The following SBF2 variants were observed in gnomAD, a reference collection of about 807,000 sequenced individuals.
The protein encoded by SBF2 is SET binding factor 2.
A neutral mutation model predicts 225.2 loss-of-function variants in SBF2; 112 were observed. The ratio of observed to expected loss-of-function variants is 0.50; its 90% CI spans 0.43 to 0.58. The LOEUF (loss-of-function observed/expected upper bound fraction) is 0.58, where lower values mean the gene tolerates loss of function less well. Among genes scored for constraint, SBF2 ranks in the 20% least tolerant of loss-of-function variants. The pLI is 0.00. For missense variants in SBF2, 1,996 were observed against 2,206.2 expected (o/e 0.90, Z 1.91); for synonymous variants, 763 against 773.3 (o/e 0.99, Z 0.22).
intron 17 of SBF2, among the ~76,000 whole-genome samples, chr11:9,869,697 T>C (rs1321593921): frequency 6.6e-6 from 1 of 152,162 alleles, no homozygotes; most frequent in Non-Finnish European, 1.5e-5. Flanking sequence ...TGAAGGAACA[T>C]ACCTCATAAT....
At chr11:9,948,940 A>T (rs954957719) in intron 16 of SBF2, among the ~76,000 whole-genome samples, 2 of 152,254 alleles carry the variant, frequency 1.3e-5, no homozygotes, top group Admixed American at 1.3e-4. Context: ...TGACTTCACT[A>T]GGCCACCTAT....
intron 16 of SBF2, among the ~76,000 whole-genome samples, chr11:9,944,204 G>A (rs1031865097): frequency 2.6e-5 from 4 of 152,102 alleles, no homozygotes; most frequent in Non-Finnish European, 5.9e-5. Flanking sequence ...TAAAACTGTA[G>A]GAAAAAGCAA....
chr11:10,218,385 A>G (rs971969150), intron 1 of SBF2, among the ~76,000 whole-genome samples: 1 of 132,768 alleles, frequency 7.5e-6, no homozygotes, highest in African/African-American at 2.9e-5. Flanking sequence ...CGTGGGAATT[A>G]TGGGAGCTAA....
intron 13 of SBF2, among the ~76,000 whole-genome samples, chr11:9,969,922 G>A (rs1032128626): frequency 9.9e-5 from 15 of 152,264 alleles, no homozygotes; most frequent in African/African-American, 3.6e-4. Flanking sequence ...ACACAATGCT[G>A]AACACACATA....
intron 14 of SBF2, 101 bp downstream of exon 14, chr11:9,968,240 T>G (rs1047944597): frequency 9.9e-7 from 1 of 1,005,442 alleles, no homozygotes; most frequent in African/African-American, 1.6e-5. Flanking sequence ...CTACAGGAGT[T>G]TGTTCACTTT....
chr11:9,948,010 A>G (rs1464671812), intron 16 of SBF2, among the ~76,000 whole-genome samples: 1 of 152,194 alleles, frequency 6.6e-6, no homozygotes, highest in East Asian at 1.9e-4. Context: ...ATTATTTACA[A>G]TAAGCAAAAG....
At chr11:10,064,256 C>G (rs1458059970) in intron 2 of SBF2, among the ~76,000 whole-genome samples, 2 of 152,004 alleles carry the variant, frequency 1.3e-5, no homozygotes, top group African/African-American at 4.8e-5. Context: ...AAAAGTGATA[C>G]AGTATCACTT....
chr11:10,039,855 G>A (rs971662699), intron 3 of SBF2, among the ~76,000 whole-genome samples: 24 of 151,818 alleles, frequency 1.6e-4, no homozygotes, highest in African/African-American at 5.6e-4. Flanking sequence ...ATCTGTCTGA[G>A]TGGTGCACGC....
At chr11:10,229,821 T>C (rs1958748291) in intron 1 of SBF2, among the ~76,000 whole-genome samples, 1 of 152,234 alleles carries the variant, frequency 6.6e-6, no homozygotes, top group African/African-American at 2.4e-5. Flanking sequence ...TGTAGATGTC[T>C]ATTAGGTCCG....
intron 2 of SBF2, among the ~76,000 whole-genome samples, chr11:10,090,959 C>T (rs943965985): frequency 6.6e-6 from 1 of 151,972 alleles, no homozygotes; most frequent in Non-Finnish European, 1.5e-5. Flanking sequence ...TATAATATTG[C>T]AATTCTCACA....
intron 1 of SBF2, among the ~76,000 whole-genome samples, chr11:10,214,489 G>A (rs569230811): frequency 1.3e-5 from 2 of 152,274 alleles, no homozygotes; most frequent in African/African-American, 4.8e-5. Flanking sequence ...CAAGCGTGGT[G>A]GCACGCGCCT....
chr11:10,043,349 G>T (rs1949728563), intron 2 of SBF2, among the ~76,000 whole-genome samples: 1 of 152,068 alleles, frequency 6.6e-6, no homozygotes, highest in African/African-American at 2.4e-5. Flanking sequence ...AGGGAAAATA[G>T]AATTATTTTT....
intron 17 of SBF2, among the ~76,000 whole-genome samples, chr11:9,868,887 C>T (rs1858473933): frequency 1.3e-5 from 2 of 152,216 alleles, no homozygotes; most frequent in South Asian, 4.1e-4. Context: ...AGGGGTAGCA[C>T]TCACCGGGCA....
chr11:9,790,932 A>G, intron 33 of SBF2: 1 of 382,046 alleles, frequency 2.6e-6, no homozygotes, highest in South Asian at 2.6e-5. Flanking sequence ...CAGTCTATCA[A>G]TCATGACTCT....
At chr11:9,949,441 G>C (rs1255200489) in intron 16 of SBF2, among the ~76,000 whole-genome samples, 1 of 151,986 alleles carries the variant, frequency 6.6e-6, no homozygotes, top group Admixed American at 6.6e-5. Flanking sequence ...GGTTGCTGTA[G>C]GTTTTACCAA....
intron 20 of SBF2, 69 bp from the exon 21 acceptor site, chr11:9,852,818 T>C: frequency 8.3e-7 from 1 of 1,205,894 alleles, no homozygotes; most frequent in Non-Finnish European, 1.2e-6. Context: ...TTCTGGATAT[T>C]TTAGAATTAA....
chr11:10,069,350 C>A (rs752781265), intron 2 of SBF2, among the ~76,000 whole-genome samples: 1 of 144,222 alleles, frequency 6.9e-6, no homozygotes, highest in Non-Finnish European at 1.5e-5. Context: ...GTGATGTTCC[C>A]CACCCTATTC....
chr11:9,859,877 T>C (rs1009637561), intron 17 of SBF2, among the ~76,000 whole-genome samples: 16 of 152,214 alleles, frequency 1.1e-4, no homozygotes, highest in African/African-American at 3.6e-4. Context: ...TGTAAGACCC[T>C]TTCAAGATAG....
In SBF2 at chr11:9,856,448, A is replaced by G; in HGVS notation, c.2363+10T>C. On this transcript the variant is annotated intron_variant, in intron 19 of 39. Coordinates refer to ENST00000256190, the MANE Select transcript of SBF2 (RefSeq NM_030962.4). ...GTAGGAGGAGGGTCTGTGTGTTCAC[A>G]TTTTGGTACCTGTTTGTGACAATGC... 1 of 1,613,348 alleles carries G rather than the reference A, an allele frequency of 6.2e-7. No homozygotes were observed. The highest frequency in any genetic ancestry group is 2.2e-5 in the East Asian group (1 of 44,898).
Sources: gnomAD v4.1 joint callset for allele counts (sites outside exome capture counted in the v4.1 genomes callset) on GRCh38, gnomAD v4.1.1 for gene constraint, MANE v1.5 for transcripts, NCBI Gene and HGNC (gene_info 2026-07-23, HGNC 2026-07-21) for gene names.